Variants in FBXO34 observed in about 807,000 individuals in gnomAD.
The protein encoded by FBXO34 is F-box only protein 34.
Under a neutral mutation model 24.5 loss-of-function variants are expected in FBXO34, and 12 were observed. The ratio of observed to expected loss-of-function variants is 0.49; its 90% CI spans 0.31 to 0.79. The LOEUF is 0.79. Among genes scored for constraint, FBXO34 ranks in the 30% least tolerant of loss-of-function variants. The pLI, the probability that FBXO34 is intolerant of heterozygous loss-of-function variation, is 0.04. For synonymous variants in FBXO34, 320 were observed against 311.9 expected, an observed-to-expected ratio of 1.03 and a Z score of -0.27; for missense variants, 823 against 857.7, an observed-to-expected ratio of 0.96 and a Z score of 0.51.
downstream of FBXO34, chr14:55,370,037 C>A: frequency 3.0e-6 from 3 of 1,012,794 alleles, no homozygotes; most frequent in African/African-American, 3.2e-5. Context: ...CCGCACACCC[C>A]ATTCATTCCC....
At chr14:55,369,985 T>C, downstream of FBXO34, 2 of 1,502,160 alleles carry the variant, frequency 1.3e-6, no homozygotes, top group Non-Finnish European at 1.8e-6. Flanking sequence ...CCAGAAAATA[T>C]GCCATCTTCC....
At chr14:55,330,086 C>T (rs926113099) in intron 1 of FBXO34, among the ~76,000 whole-genome samples, 1 of 152,118 alleles carries the variant, frequency 6.6e-6, no homozygotes, top group African/African-American at 2.4e-5. Context: ...GCCATGATGT[C>T]ACTTTTCTCT....
the FBXO34 span, chr14:55,411,841 C>G: frequency 1.3e-6 from 2 of 1,564,552 alleles, no homozygotes; most frequent in Non-Finnish European, 1.7e-6. Context: ...GAGAGGAGAG[C>G]CAGTCACGTG....
chr14:55,308,512 T>A (rs1882629666), intron 1 of FBXO34, among the ~76,000 whole-genome samples: 1 of 152,244 alleles, frequency 6.6e-6, no homozygotes, highest in African/African-American at 2.4e-5. Context: ...TATCTTTATT[T>A]TACAGATGAT....
downstream of FBXO34, chr14:55,369,569 G>T: frequency 7.0e-7 from 1 of 1,419,948 alleles, no homozygotes; most frequent in Non-Finnish European, 9.4e-7. Flanking sequence ...AGAGTGTAGT[G>T]GGAGAAGAAC....
the FBXO34 span, chr14:55,435,820 A>G: frequency 7.1e-7 from 1 of 1,409,910 alleles, no homozygotes; most frequent in South Asian, 1.3e-5. Context: ...GAAGCTAATT[A>G]TTGGAAGGAA....
the FBXO34 span, chr14:55,411,519 G>C: frequency 7.4e-7 from 1 of 1,352,766 alleles, no homozygotes; most frequent in Non-Finnish European, 1.0e-6. Context: ...TGCCCGGACG[G>C]GGAGCCCCAG....
downstream of FBXO34, among the ~76,000 whole-genome samples, chr14:55,358,117 A>G (rs1029753521): frequency 6.6e-6 from 1 of 151,622 alleles, no homozygotes; most frequent in African/African-American, 2.4e-5. Flanking sequence ...TGATTCTGCT[A>G]CAGGGTGTGT....
chr14:55,393,465 A>G, the FBXO34 span, among the ~76,000 whole-genome samples: 1 of 152,182 alleles, frequency 6.6e-6, no homozygotes, highest in Admixed American at 6.5e-5. Flanking sequence ...GAAGAAAAAC[A>G]GAAAATGTGA....
At chr14:55,393,022 CAT>C in the FBXO34 span, among the ~76,000 whole-genome samples, 2 of 152,150 alleles carry the variant, frequency 1.3e-5, no homozygotes, top group African/African-American at 2.4e-5. Context: ...TTCCACAGAA[CAT>C]GTTTTGTTTA....
At chr14:55,295,136 A>G (rs1339801353) in intron 1 of FBXO34, among the ~76,000 whole-genome samples, 1 of 152,188 alleles carries the variant, frequency 6.6e-6, no homozygotes, top group Admixed American at 6.5e-5. Flanking sequence ...CGTAAAGTCA[A>G]AAAGTCATAA....
At chr14:55,421,890 CT>C in the FBXO34 span, among the ~76,000 whole-genome samples, 3 of 152,154 alleles carry the variant, frequency 2.0e-5, no homozygotes, top group Non-Finnish European at 4.4e-5. Flanking sequence ...ACTTAATCAA[CT>C]TTTCTGAATT....
At chr14:55,329,078 A>G (rs1231845205) in intron 1 of FBXO34, among the ~76,000 whole-genome samples, 1 of 139,768 alleles carries the variant, frequency 7.2e-6, no homozygotes, top group Non-Finnish European at 1.6e-5. Flanking sequence ...GTTCCTAGAG[A>G]GTGGAGTAGC....
intron 1 of FBXO34, among the ~76,000 whole-genome samples, chr14:55,291,380 C>A (rs1881940293): frequency 6.6e-6 from 1 of 152,068 alleles, no homozygotes; most frequent in Non-Finnish European, 1.5e-5. Flanking sequence ...TAATGTAATG[C>A]TAGTTGGGGT....
chr14:55,427,246 A>C, the FBXO34 span, among the ~76,000 whole-genome samples: 1 of 137,878 alleles, frequency 7.3e-6, no homozygotes, highest in East Asian at 2.0e-4. Context: ...TCAGATTTTT[A>C]AAAAATGGGG....
rs774223222 is a variant in FBXO34, at chr14:55,350,432, C to T, written c.42C>T (p.His14=). 4 of 1,598,700 alleles carry T rather than the reference C, an allele frequency of 2.5e-6. No homozygotes were observed. Among genetic ancestry groups the T allele is most frequent in the Admixed American group, 1.8e-5 (1 of 56,012 alleles). The part of the protein sequence containing the change: ...KPYWKLQKKE[H]PPEVSRETQR... Reference sequence around the variant, plus strand: ...ATTGGAAGCTCCAGAAGAAAGAGCACCCCCCGGAAGTCAGCAGGGAAACGC... The same window carrying T: ...ATTGGAAGCTCCAGAAGAAAGAGCATCCCCCGGAAGTCAGCAGGGAAACGC... The change falls in exon 2 of 2, where the codon CAC becomes CAT. Residue 14 remains histidine, a synonymous_variant. Coordinates refer to ENST00000313833, the MANE Select transcript of FBXO34 (RefSeq NM_017943.4).
At chr14:55,296,382 G>GTGTTTT (rs1882122432) in intron 1 of FBXO34, among the ~76,000 whole-genome samples, 7 of 95,822 alleles carry the variant, frequency 7.3e-5, no homozygotes, top group Non-Finnish European at 1.3e-4. Flanking sequence ...CTGTTCTTGT[G>GTGTTTT]TTTTTTTTGT....
chr14:55,375,658 A>C, the FBXO34 span, among the ~76,000 whole-genome samples: 1 of 152,002 alleles, frequency 6.6e-6, no homozygotes, highest in Non-Finnish European at 1.5e-5. Flanking sequence ...CTATCATTTC[A>C]AACAGTTTCT....
the FBXO34 span, among the ~76,000 whole-genome samples, chr14:55,405,382 T>G: frequency 6.6e-6 from 1 of 152,230 alleles, no homozygotes; most frequent in Non-Finnish European, 1.5e-5. Context: ...CATTTCTGTT[T>G]CCTGGCAAAA....
Sources: allele counts gnomAD v4.1 joint callset (sites outside exome capture counted in the v4.1 genomes callset), GRCh38; gene constraint gnomAD v4.1.1; transcripts MANE v1.5; gene names NCBI Gene and HGNC (gene_info 2026-07-23, HGNC 2026-07-21).